Variants in UGT1A8 observed in about 807,000 individuals in gnomAD.
UGT1A8 encodes the protein UDP-glucuronosyltransferase 1A8.
UGT1A8 carries 39 observed loss-of-function variants against 45.3 expected under a neutral mutation model. The ratio of observed to expected loss-of-function variants is 0.86; its 90% CI spans 0.67 to 1.12. The LOEUF (loss-of-function observed/expected upper bound fraction) is 1.12, where lower values mean the gene tolerates loss of function less well. Ranked by LOEUF, UGT1A8 falls within the 50% of genes most tolerant of loss-of-function variation. The pLI, the probability that UGT1A8 is intolerant of heterozygous loss-of-function variation, is 0.00. For missense variants in UGT1A8, 719 were observed against 664.9 expected (o/e 1.08, Z -0.90); for synonymous variants, 275 against 249.2 (o/e 1.10, Z -0.97).
chr2:233,675,793 T>G (rs1683773220), intron 1 of UGT1A8, among the ~76,000 whole-genome samples: 1 of 152,206 alleles, frequency 6.6e-6, no homozygotes, highest in Non-Finnish European at 1.5e-5. Flanking sequence ...AATTTGTATG[T>G]TTTTAAAAAG....
Position 233,707,497 on chromosome 2 carries a change from A to G in UGT1A8, c.856-59537A>G, listed in dbSNP as rs149948213. Among the ~76,000 whole-genome samples, 324 of 148,662 alleles carry G rather than the reference A, an allele frequency of 2.2e-3. 2 individuals carry two copies. The highest frequency in any genetic ancestry group is 7.6e-3 in the African/African-American group (311 of 40,728). On this transcript the variant is annotated intron_variant, in intron 1 of 4. Coordinates refer to ENST00000373450, the MANE Select transcript of UGT1A8 (RefSeq NM_019076.5). ...TACAGATGATTTTACCTGTTTCGGT[A>G]CTTAACATAAATAGAATTTTACTGT...
At chr2:233,623,344 C>A (rs996610535) in intron 1 of UGT1A8, among the ~76,000 whole-genome samples, 1 of 152,144 alleles carries the variant, frequency 6.6e-6, no homozygotes, top group Non-Finnish European at 1.5e-5. Flanking sequence ...GATATTGATT[C>A]TTCCTATCCA....
chr2:233,766,548 C>T (rs547504981), intron 1 of UGT1A8, among the ~76,000 whole-genome samples: 152 of 152,318 alleles, frequency 1.0e-3, no homozygotes, highest in African/African-American at 3.6e-3. Flanking sequence ...AAATGCCTGT[C>T]CTCACCTAGG....
intron 1 of UGT1A8, among the ~76,000 whole-genome samples, chr2:233,705,018 C>A (rs1470386636): frequency 6.6e-6 from 1 of 151,992 alleles, no homozygotes. Flanking sequence ...CGCCTGTAAT[C>A]CCAGCTACTC....
chr2:233,715,826 A>AT (rs1221797206), intron 1 of UGT1A8, among the ~76,000 whole-genome samples: 3 of 152,148 alleles, frequency 2.0e-5, no homozygotes, highest in African/African-American at 4.8e-5. Flanking sequence ...GTTAGAAAAC[A>AT]TTTTTTTAAA....
In UGT1A8 at chr2:233,672,217, C is replaced by T. The variant is rs749656170; in HGVS notation, c.855+53655C>T. ...GGACCGGGAGTTCAAGGCTTTTGCCCATGCTCAATGGAAAGCACAAGTACG... is the reference window on the plus strand; with the variant it reads ...GGACCGGGAGTTCAAGGCTTTTGCCTATGCTCAATGGAAAGCACAAGTACG... On this transcript the variant is annotated intron_variant, in intron 1 of 4. Transcript: ENST00000373450. 1.5e-5 allele frequency: 24 copies of T among 1,614,010 alleles called. 1 individual carries two copies. The highest frequency in any genetic ancestry group is 1.6e-4 in the Middle Eastern group (1 of 6,084).
Position 233,768,563 on chromosome 2 carries a change from A to T in UGT1A8, c.1295+124A>T, listed in dbSNP as rs1381263592. On this transcript the variant is annotated intron_variant, in intron 4 of 4. Transcript: ENST00000373450. Reference sequence around the variant, plus strand: ...CAAATATAAAAACAAATACATAAAAATCTGGATTTTTATTTCTTCTTTTTT... The same window carrying T: ...CAAATATAAAAACAAATACATAAAATTCTGGATTTTTATTTCTTCTTTTTT... The T allele has an allele frequency of 4.1e-6, 6 of 1,456,444 alleles. No individual in the cohort carries two copies. The East Asian group carries it at 1.5e-4, about 37-fold the overall frequency. The allele number at this position is 1,456,444 out of a possible 1,614,324, so 90.2% of individuals were successfully genotyped here.
At position 233,768,045 on chromosome 2, in the gene UGT1A8, A is replaced by G. The variant is rs1699553884; in HGVS notation, c.1075+109A>G. 10 of 1,608,356 alleles carry G rather than the reference A, an allele frequency of 6.2e-6. No individual in the cohort carries two copies. The Admixed American group carries it at 1.5e-4, about 25-fold the overall frequency. On this transcript the variant is annotated intron_variant, in intron 3 of 4. Coordinates refer to ENST00000373450, the MANE Select transcript of UGT1A8 (RefSeq NM_019076.5). ...TGAGCTTGAAAATATTATGGCCAAC[A>G]TATCCTACATTGCTTTTTATCTAGT...
At chr2:233,736,707 G>C (rs536736454) in intron 1 of UGT1A8, among the ~76,000 whole-genome samples, 9 of 152,300 alleles carry the variant, frequency 5.9e-5, no homozygotes, top group African/African-American at 1.9e-4. Flanking sequence ...TTTTGGTGTA[G>C]ATGTCCTTTT....
At chr2:233,674,522 G>A (rs973665397) in intron 1 of UGT1A8, among the ~76,000 whole-genome samples, 14 of 152,038 alleles carry the variant, frequency 9.2e-5, no homozygotes, top group South Asian at 2.1e-4. Flanking sequence ...GCCTCACAGC[G>A]TCACCCAGAG....
intron 1 of UGT1A8, among the ~76,000 whole-genome samples, chr2:233,626,277 C>A (rs905129898): frequency 2.6e-5 from 4 of 151,928 alleles, no homozygotes; most frequent in Non-Finnish European, 5.9e-5. Flanking sequence ...AACTGGAAGC[C>A]TTTCCATGAG....
intron 1 of UGT1A8, among the ~76,000 whole-genome samples, chr2:233,654,928 C>G (rs2073823054): frequency 6.6e-6 from 1 of 152,060 alleles, no homozygotes; most frequent in South Asian, 2.1e-4. Context: ...CCCGTCTCTA[C>G]TAAAAATACA....
rs1197217619 is a variant in UGT1A8, at chr2:233,750,175, GA to G, written c.856-16858del. 5.9e-5 allele frequency among the ~76,000 whole-genome samples: 9 copies of G among 151,894 alleles called. 1 individual carries two copies. The highest frequency in any genetic ancestry group is 2.2e-4 in the African/African-American group (9 of 41,136). Reference sequence around the variant, plus strand: ...GTTGAATGGTTTTGACCAAAATGCTGATAATGTTGTGGACAATGAAGTCCAG... The same window carrying G: ...GTTGAATGGTTTTGACCAAAATGCTGTAATGTTGTGGACAATGAAGTCCAG... On this transcript the variant is annotated intron_variant, in intron 1 of 4. Coordinates refer to ENST00000373450, the MANE Select transcript of UGT1A8 (RefSeq NM_019076.5).
intron 1 of UGT1A8, among the ~76,000 whole-genome samples, chr2:233,675,494 T>C (rs1410065529): frequency 1.3e-5 from 2 of 152,156 alleles, no homozygotes; most frequent in East Asian, 3.8e-4. Context: ...GGGGGTGGGA[T>C]ATGGTTACAG....
At chr2:233,728,904 C>T (rs1575577301) in intron 1 of UGT1A8, among the ~76,000 whole-genome samples, 3 of 150,724 alleles carry the variant, frequency 2.0e-5, no homozygotes, top group South Asian at 4.1e-4. Flanking sequence ...CAGGGTCAGA[C>T]GTGTTTTTCA....
chr2:233,706,171 T>C (rs2125603057), intron 1 of UGT1A8, among the ~76,000 whole-genome samples: 1 of 152,154 alleles, frequency 6.6e-6, no homozygotes, highest in Non-Finnish European at 1.5e-5. Context: ...ATGTGGAATG[T>C]GGTGTGTCTG....
intron 1 of UGT1A8, among the ~76,000 whole-genome samples, chr2:233,675,424 C>T (rs1222577732): frequency 1.3e-5 from 2 of 152,090 alleles, no homozygotes; most frequent in South Asian, 2.1e-4. Flanking sequence ...GAATTAATGA[C>T]TGGTTTTAGG....
intron 1 of UGT1A8, among the ~76,000 whole-genome samples, chr2:233,679,947 G>A (rs1490488380): frequency 6.6e-6 from 1 of 152,082 alleles, no homozygotes; most frequent in Admixed American, 6.6e-5. Context: ...AAGATGCGAG[G>A]TTTGGCTCCT....
intron 1 of UGT1A8, among the ~76,000 whole-genome samples, chr2:233,654,746 C>A (rs2073817724): frequency 2.0e-5 from 3 of 152,180 alleles, no homozygotes; most frequent in African/African-American, 7.2e-5. Context: ...CAAACCACAT[C>A]TTGAACAGAC....
Sources: gnomAD v4.1 joint callset for allele counts (sites outside exome capture counted in the v4.1 genomes callset) on GRCh38, gnomAD v4.1.1 for gene constraint, MANE v1.5 for transcripts, NCBI Gene and HGNC (gene_info 2026-07-23, HGNC 2026-07-21) for gene names.